NALF1: variants seen among roughly 807,000 people sequenced by gnomAD.
NALF1 encodes family with sequence similarity 155 member A.
NALF1 carries 3 observed loss-of-function variants against 48.4 expected under a neutral mutation model. That is an observed-to-expected ratio of 0.06 (90% CI 0.03 to 0.16). The LOEUF is 0.16. NALF1 is among the 10% of genes least tolerant of loss of function. The pLI, the probability that NALF1 is intolerant of heterozygous loss-of-function variation, is 1.00. For synonymous variants in NALF1, 262 were observed against 245.7 expected (o/e 1.07, Z -0.62); for missense variants, 526 against 571.5 (o/e 0.92, Z 0.81).
chr13:107,625,901 C>T (rs895735788), intron 1 of NALF1, among the ~76,000 whole-genome samples: 5 of 151,966 alleles, frequency 3.3e-5, no homozygotes, highest in Non-Finnish European at 5.9e-5. Context: ...ATTTAGCACA[C>T]GAATGATACA....
In NALF1 at chr13:107,866,372, CTGCTGCTGG is replaced by C; in HGVS notation, c.216_224del (p.His72_Gln74del). 1 of 1,479,158 alleles carries C rather than the reference CTGCTGCTGG, an allele frequency of 6.8e-7. No individual in the cohort carries two copies. Among genetic ancestry groups the C allele is most frequent in the Non-Finnish European group, 9.0e-7 (1 of 1,112,574 alleles). 91.6% of individuals were successfully genotyped at this position (1,479,158 alleles called of 1,614,324 possible). On this transcript the variant is annotated inframe_deletion, in exon 1 of 3. Coordinates refer to ENST00000375915, the MANE Select transcript of NALF1 (RefSeq NM_001080396.3). The surrounding 1 kb of genome is among the most constrained non-coding windows in gnomAD (Gnocchi z 4.4). The stretch of plus-strand genomic sequence containing the variant: ...GCTGCTGCTGCTGCTGCTGCCGCTG[CTGCTGCTGG>C]TGCTCCTTGTCCCGGGCCCGGGTCA...
chr13:107,677,642 A>G (rs958881919), intron 1 of NALF1, among the ~76,000 whole-genome samples: 2 of 152,252 alleles, frequency 1.3e-5, no homozygotes, highest in African/African-American at 4.8e-5. Context: ...GAGAACATGT[A>G]GAGATATAAT....
chr13:107,443,167 A>T (rs78104484), intron 1 of NALF1, among the ~76,000 whole-genome samples: 2,275 of 138,378 alleles, frequency 0.016, 33 homozygotes, highest in Non-Finnish European at 0.026. Context: ...TATTTATCTA[A>T]CAATCTATCT....
At chr13:107,223,106 A>C (rs150359470) in intron 1 of NALF1, among the ~76,000 whole-genome samples, 2,202 of 152,302 alleles carry the variant, frequency 0.014, 67 homozygotes, top group African/African-American at 0.05. Flanking sequence ...TTTTATTAGC[A>C]GTGACAGTAG....
intron 1 of NALF1, among the ~76,000 whole-genome samples, chr13:107,776,611 C>T (rs1877736938): frequency 6.6e-6 from 1 of 152,150 alleles, no homozygotes; most frequent in Non-Finnish European, 1.5e-5. Context: ...TGAATACCTA[C>T]TGTGTGCTAG....
intron 2 of NALF1, among the ~76,000 whole-genome samples, chr13:107,176,507 T>C (rs1397818269): frequency 6.6e-6 from 1 of 151,834 alleles, no homozygotes; most frequent in Non-Finnish European, 1.5e-5. Context: ...CCAGGCGTGG[T>C]GGCGGGCGCC....
chr13:107,609,593 G>C (rs1879169164), intron 1 of NALF1, among the ~76,000 whole-genome samples: 1 of 152,200 alleles, frequency 6.6e-6, no homozygotes, highest in South Asian at 2.1e-4. Context: ...TATGTGAGAG[G>C]AAGAGAATGT....
At chr13:107,391,534 A>G (rs1594151588) in intron 1 of NALF1, among the ~76,000 whole-genome samples, 1 of 152,132 alleles carries the variant, frequency 6.6e-6, no homozygotes, top group African/African-American at 2.4e-5. Flanking sequence ...CCAGAAGATA[A>G]TCAACTAAGA....
intron 1 of NALF1, among the ~76,000 whole-genome samples, chr13:107,824,051 T>C (rs918501001): frequency 6.6e-6 from 1 of 152,044 alleles, no homozygotes; most frequent in African/African-American, 2.4e-5. Flanking sequence ...CTGTTTTCCT[T>C]ATCCTGTGTA....
intron 1 of NALF1, among the ~76,000 whole-genome samples, chr13:107,426,395 T>TA (rs1044787240): frequency 3.9e-5 from 6 of 152,142 alleles, no homozygotes; most frequent in Non-Finnish European, 8.8e-5. Context: ...AAATATGGTA[T>TA]AAAAAAGTTT....
At chr13:107,453,640 A>C (rs57745270) in intron 1 of NALF1, among the ~76,000 whole-genome samples, 1 of 152,136 alleles carries the variant, frequency 6.6e-6, no homozygotes, top group Non-Finnish European at 1.5e-5. Context: ...CATTGTCTTG[A>C]TATTTAACAT....
chr13:107,466,243 T>A (rs1165026780), intron 1 of NALF1: 1 of 152,240 alleles, frequency 6.6e-6, no homozygotes, highest in Non-Finnish European at 1.5e-5. Context: ...TTGTGGGAGT[T>A]ACAATTCAAG....
intron 1 of NALF1, among the ~76,000 whole-genome samples, chr13:107,449,633 C>T (rs1009818793): frequency 2.0e-5 from 3 of 150,748 alleles, no homozygotes; most frequent in Non-Finnish European, 4.4e-5. Context: ...CTTGGGGAAC[C>T]TGGAGGTTAA....
chr13:107,714,583 T>G (rs1445220356), intron 1 of NALF1, among the ~76,000 whole-genome samples: 3 of 143,178 alleles, frequency 2.1e-5, no homozygotes, highest in African/African-American at 7.7e-5. Flanking sequence ...GAGCCGAGAT[T>G]GCACCACCGC....
chr13:107,301,872 T>C (rs888963052), intron 1 of NALF1, among the ~76,000 whole-genome samples: 1 of 152,172 alleles, frequency 6.6e-6, no homozygotes, highest in African/African-American at 2.4e-5. Flanking sequence ...AGATCAACCC[T>C]ACAGCCAAGA....
At chr13:107,752,589 G>A (rs1195247099) in intron 1 of NALF1, among the ~76,000 whole-genome samples, 1 of 152,094 alleles carries the variant, frequency 6.6e-6, no homozygotes, top group East Asian at 1.9e-4. Flanking sequence ...GGTATTATAA[G>A]TGAAATAAGT....
chr13:107,577,936 G>A lies in NALF1; in HGVS notation c.915+287746C>T, dbSNP rs1265305481. On this transcript the variant is annotated intron_variant, in intron 1 of 2. Transcript: ENST00000375915. ...GCCTCCATCCTTTCATCATCAAGTA[G>A]CAGTTCTAATTTTTCCCTTTAGATG... Among the ~76,000 whole-genome samples the A allele has an allele frequency of 2.6e-5, 4 of 152,004 alleles. No individual in the cohort carries two copies. The East Asian group carries it at 7.7e-4, about 29-fold the overall frequency.
At chr13:107,842,771 T>C (rs1446867814) in intron 1 of NALF1, among the ~76,000 whole-genome samples, 7 of 152,184 alleles carry the variant, frequency 4.6e-5, no homozygotes, top group South Asian at 4.2e-4. Flanking sequence ...AGCTCTCAAC[T>C]TCCTAGGTTA....
At chr13:107,205,572 CCA>C (rs1320008839) in intron 2 of NALF1, among the ~76,000 whole-genome samples, 1 of 151,942 alleles carries the variant, frequency 6.6e-6, no homozygotes, top group Admixed American at 6.6e-5. Flanking sequence ...AGTATTTTCC[CCA>C]GAGACAGAAA....
Sources: allele counts gnomAD v4.1 joint callset (sites outside exome capture counted in the v4.1 genomes callset), GRCh38; gene constraint gnomAD v4.1.1; non-coding constraint Gnocchi (gnomAD v3.1); transcripts MANE v1.5; gene names NCBI Gene and HGNC (gene_info 2026-07-23, HGNC 2026-07-21).